Variants in CNOT6L observed in about 807,000 individuals in gnomAD.
The protein encoded by CNOT6L is CCR4-NOT transcription complex subunit 6 like.
CNOT6L carries 7 observed loss-of-function variants against 64.0 expected under a neutral mutation model. The observed-to-expected ratio is 0.11, with a 90% CI of 0.06 to 0.21. The LOEUF is 0.21. Ranked by LOEUF, CNOT6L falls within the 10% of genes least tolerant of loss-of-function variation. The probability of loss-of-function intolerance (pLI) is 1.00; values close to 1 mark genes in which losing one functional copy is unlikely to be tolerated. For synonymous variants in CNOT6L, 193 were observed against 243.4 expected (o/e 0.79, Z 1.93); for missense variants, 245 against 669.0 (o/e 0.37, Z 6.99).
chr4:77,799,668 C>T (rs1731280265), intron 1 of CNOT6L, among the ~76,000 whole-genome samples: 1 of 139,076 alleles, frequency 7.2e-6, no homozygotes, highest in South Asian at 2.3e-4. Context: ...TGTGCCATTG[C>T]ACTCCAGCCT....
At chr4:77,741,944 C>T (rs1378561305) in intron 8 of CNOT6L, among the ~76,000 whole-genome samples, 197 bp downstream of exon 8, 1 of 152,058 alleles carries the variant, frequency 6.6e-6, no homozygotes, top group East Asian at 1.9e-4. Flanking sequence ...GTAATAAAAG[C>T]ATAAGGAATA....
chr4:77,746,870 T>A (rs1357947492), intron 6 of CNOT6L, among the ~76,000 whole-genome samples: 1 of 152,154 alleles, frequency 6.6e-6, no homozygotes, highest in Non-Finnish European at 1.5e-5. Context: ...TTCATAACAC[T>A]GACACAATGC....
chr4:77,748,442 G>C lies in CNOT6L; in HGVS notation c.491-58C>G. On this transcript the variant is annotated intron_variant, in intron 5 of 11. Coordinates refer to ENST00000504123, the MANE Select transcript of CNOT6L (RefSeq NM_144571.3). ...CATGTGTTTCTGAAATCTGAAATGTGTTTATAATGTCAAAAACACTTCTGT... is the reference window on the plus strand; with the variant it reads ...CATGTGTTTCTGAAATCTGAAATGTCTTTATAATGTCAAAAACACTTCTGT... The C allele has an allele frequency of 2.7e-6, 3 of 1,094,620 alleles. No individual in the cohort carries two copies. In the Admixed American group the frequency reaches 5.3e-5, roughly 19 times the overall value. 67.8% of individuals were successfully genotyped at this position (1,094,620 alleles called of 1,614,324 possible). A position where few individuals can be genotyped will look rare whatever the true frequency, so the allele number is the denominator to read the frequency against.
chr4:77,776,033 C>A (rs1340409866), intron 2 of CNOT6L, among the ~76,000 whole-genome samples: 1 of 152,094 alleles, frequency 6.6e-6, no homozygotes, highest in Non-Finnish European at 1.5e-5. Flanking sequence ...ACTGGTTTTA[C>A]TTAGAAACTA....
chr4:77,778,280 A>T (rs1200203342), intron 1 of CNOT6L, among the ~76,000 whole-genome samples: 1 of 152,228 alleles, frequency 6.6e-6, no homozygotes, highest in Non-Finnish European at 1.5e-5. Context: ...AAAAAATACA[A>T]GATTAAGCAA....
In CNOT6L at chr4:77,713,850, T is replaced by G. The variant is rs1333944095; in HGVS notation, c.*6581A>C. On this transcript the variant is annotated 3_prime_UTR_variant, in exon 12 of 12. Transcript: ENST00000504123. ...TTTCTCCAGGGATGGCAGAGAGTGTTAAATGGTTAAAACACCTACAGAACC... is the reference window on the plus strand; with the variant it reads ...TTTCTCCAGGGATGGCAGAGAGTGTGAAATGGTTAAAACACCTACAGAACC... The G allele has an allele frequency of 6.6e-6, 1 of 152,568 alleles. No individual in the cohort carries two copies. The highest frequency in any genetic ancestry group is 1.5e-5 in the Non-Finnish European group (1 of 68,024). The allele number at this position is 152,568 out of a possible 1,614,324, so 9.5% of individuals were successfully genotyped here. A position where few individuals can be genotyped will look rare whatever the true frequency, so the allele number is the denominator to read the frequency against.
In CNOT6L at chr4:77,716,447, T is replaced by C. The variant is rs1192537188; in HGVS notation, c.*3984A>G. ...TTCAAAGAATGTATTTAGCCTATTC[T>C]TCCCTGTGCTTTCTATAGTCTGCTG... On this transcript the variant is annotated 3_prime_UTR_variant, in exon 12 of 12. Coordinates refer to ENST00000504123, the MANE Select transcript of CNOT6L (RefSeq NM_144571.3). 2 of 152,166 alleles carry C rather than the reference T, an allele frequency of 1.3e-5. No homozygotes were observed. The highest frequency in any genetic ancestry group is 2.9e-5 in the Non-Finnish European group (2 of 68,018). 9.4% of individuals were successfully genotyped at this position (152,166 alleles called of 1,614,324 possible). A position where few individuals can be genotyped will look rare whatever the true frequency, so the allele number is the denominator to read the frequency against.
At chr4:77,761,685 T>C (rs1726261044) in intron 4 of CNOT6L, among the ~76,000 whole-genome samples, 2 of 152,158 alleles carry the variant, frequency 1.3e-5, no homozygotes, top group Non-Finnish European at 2.9e-5. Flanking sequence ...TGGTGAAAGA[T>C]AATGCTTTCC....
chr4:77,818,890 C>G (rs1231686078), intron 1 of CNOT6L: 1 of 478,548 alleles, frequency 2.1e-6, no homozygotes, highest in Non-Finnish European at 3.9e-6. Flanking sequence ...GCGGCACCGA[C>G]CAGCAGCTCT....
chr4:77,743,750 C>T (rs1041084757), intron 7 of CNOT6L, among the ~76,000 whole-genome samples: 4 of 151,576 alleles, frequency 2.6e-5, no homozygotes, highest in Non-Finnish European at 4.4e-5. Context: ...GACAGGTGCA[C>T]GCCACCTTGC....
intron 4 of CNOT6L, among the ~76,000 whole-genome samples, chr4:77,763,824 T>C (rs1234141174): frequency 6.6e-6 from 1 of 152,158 alleles, no homozygotes; most frequent in Non-Finnish European, 1.5e-5. Flanking sequence ...AAGCTAACAA[T>C]AAAAATAAAT....
chr4:77,779,087 C>CATAGGATTAGA (rs1728541195), intron 1 of CNOT6L, among the ~76,000 whole-genome samples: 1 of 143,588 alleles, frequency 7.0e-6, no homozygotes, highest in Non-Finnish European at 1.5e-5. Context: ...AAAAAACACA[C>CATAGGATTAGA]AGGCATAGGA....
At chr4:77,765,514 T>G (rs1726731374) in intron 4 of CNOT6L, among the ~76,000 whole-genome samples, 1 of 152,230 alleles carries the variant, frequency 6.6e-6, no homozygotes, top group African/African-American at 2.4e-5. Flanking sequence ...ATTAATTCAA[T>G]TTTACATAAA....
intron 11 of CNOT6L, 170 bp downstream of exon 11, chr4:77,725,997 C>T (rs907127776): frequency 1.6e-6 from 1 of 614,092 alleles, no homozygotes; most frequent in Non-Finnish European, 2.9e-6. Context: ...ACAACAATAG[C>T]CACAAAACCC....
intron 1 of CNOT6L, among the ~76,000 whole-genome samples, chr4:77,798,825 A>AC (rs1298934607): frequency 6.6e-6 from 1 of 150,846 alleles, no homozygotes; most frequent in South Asian, 2.1e-4. Context: ...TTCAATTAAA[A>AC]AAAAAAAATA....
chr4:77,750,152 A>T (rs1425007635), intron 5 of CNOT6L, among the ~76,000 whole-genome samples: 1 of 152,230 alleles, frequency 6.6e-6, no homozygotes, highest in Non-Finnish European at 1.5e-5. Flanking sequence ...TAAAAGTTAT[A>T]GTATAAAATT....
chr4:77,785,475 G>C (rs1015176650), intron 1 of CNOT6L, among the ~76,000 whole-genome samples: 8 of 151,588 alleles, frequency 5.3e-5, no homozygotes, highest in African/African-American at 1.9e-4. Context: ...TGAAGGAAAA[G>C]ACATGTCAGG....
chr4:77,797,843 G>T (rs568119575), intron 1 of CNOT6L, among the ~76,000 whole-genome samples: 75 of 152,244 alleles, frequency 4.9e-4, no homozygotes, highest in Non-Finnish European at 9.1e-4. Context: ...ACTACTCTAT[G>T]TTCAACATGG....
intron 1 of CNOT6L, among the ~76,000 whole-genome samples, chr4:77,802,404 A>G (rs1191168179): frequency 6.6e-6 from 1 of 152,216 alleles, no homozygotes; most frequent in Non-Finnish European, 1.5e-5. Context: ...TTGTATTAAA[A>G]TATGCCTCTT....
Sources: gnomAD v4.1 joint callset for allele counts (sites outside exome capture counted in the v4.1 genomes callset) on GRCh38, gnomAD v4.1.1 for gene constraint, MANE v1.5 for transcripts, NCBI Gene and HGNC (gene_info 2026-07-23, HGNC 2026-07-21) for gene names.